ANKRD30BL: variants seen among roughly 807,000 people sequenced by gnomAD.
The protein encoded by ANKRD30BL is putative ankyrin repeat domain-containing protein 30B-like.
Under a neutral mutation model 18.4 loss-of-function variants are expected in ANKRD30BL, and 20 were observed. The ratio of observed to expected loss-of-function variants is 1.09; its 90% CI spans 0.77 to 1.58. ANKRD30BL has a LOEUF of 1.58. ANKRD30BL is among the 40% of genes most tolerant of loss of function. ANKRD30BL has a pLI of 0.00. For synonymous variants in ANKRD30BL, 72 were observed against 100.9 expected (o/e 0.71, Z 1.72); for missense variants, 224 against 268.6 (o/e 0.83, Z 1.16).
intron 1 of ANKRD30BL, among the ~76,000 whole-genome samples, chr2:132,218,170 C>T (rs536485021): frequency 5.2e-4 from 79 of 152,382 alleles, no homozygotes; most frequent in Admixed American, 3.4e-3. Flanking sequence ...GTGATGTGTG[C>T]ATTCAACTCA....
chr2:132,169,450 C>G lies in ANKRD30BL; in HGVS notation n.442-12304G>C, dbSNP rs528822014. The stretch of plus-strand genomic sequence containing the variant: ...CATCAGGAGGTCAAGAGATCGAGAC[C>G]ATCATGGCCACCATGGTGAAACCCC... On this transcript the variant is annotated intron_variant and non_coding_transcript_variant, in intron 1 of 4. Coordinates refer to the ANKRD30BL transcript ENST00000470729. Among the ~76,000 whole-genome samples, 655 of 152,238 alleles carry G rather than the reference C, an allele frequency of 4.3e-3. 3 individuals carry two copies. Among genetic ancestry groups the G allele is most frequent in the African/African-American group, 0.015 (621 of 41,526 alleles).
At chr2:132,231,736 C>T (rs2104783496) in intron 1 of ANKRD30BL, among the ~76,000 whole-genome samples, 1 of 152,272 alleles carries the variant, frequency 6.6e-6, no homozygotes, top group African/African-American at 2.4e-5. Flanking sequence ...TGAGATCAAA[C>T]TGCAAGGTGG....
At chr2:132,187,188 G>GTTTTTTTTTTTTTTTTTTTTTTTT (rs1193358076) in intron 1 of ANKRD30BL, among the ~76,000 whole-genome samples, 27 of 90,614 alleles carry the variant, frequency 3.0e-4, no homozygotes, top group East Asian at 6.8e-4. Flanking sequence ...TTTTTTGTTT[G>GTTTTTTTTTTTTTTTTTTTTTTTT]TTTTTTTTTT....
At chr2:132,164,031 C>T (rs1009266519), upstream of ANKRD30BL, among the ~76,000 whole-genome samples, 4 of 152,042 alleles carry the variant, frequency 2.6e-5, no homozygotes, top group Non-Finnish European at 4.4e-5. Context: ...ATGATCATTC[C>T]GGCCTTCTCC....
chr2:132,174,252 A>G (rs1216249148), intron 1 of ANKRD30BL, among the ~76,000 whole-genome samples: 2 of 152,218 alleles, frequency 1.3e-5, no homozygotes, highest in Admixed American at 1.3e-4. Flanking sequence ...AGACCCTGGA[A>G]CAAACTTAGA....
intron 1 of ANKRD30BL, among the ~76,000 whole-genome samples, chr2:132,215,096 T>C (rs1034073672): frequency 6.6e-6 from 1 of 151,848 alleles, no homozygotes; most frequent in African/African-American, 2.4e-5. Flanking sequence ...TTTGTTTTCA[T>C]TGAGCAGTTT....
rs1687659709 is a variant in ANKRD30BL, at chr2:132,148,208, GTGTTCCTTCAGA to G, written c.688_699del (p.Ser230_Thr233del). On this transcript the variant is annotated inframe_deletion, in exon 6 of 6. Transcript: ENST00000409867. ...TCCGCCAAGGGTGCAGCCTCATCAG[GTGTTCCTTCAGA>G]TGTTCCTTCTGCCAAACACAGAGTC... The G allele has an allele frequency of 6.2e-7, 1 of 1,605,578 alleles. No homozygotes were observed. The highest frequency in any genetic ancestry group is 8.5e-7 in the Non-Finnish European group (1 of 1,176,848).
chr2:132,183,804 C>T (rs1422528587), intron 1 of ANKRD30BL, among the ~76,000 whole-genome samples: 2 of 151,888 alleles, frequency 1.3e-5, no homozygotes, highest in Non-Finnish European at 2.9e-5. Context: ...CATGTTTATG[C>T]ATTTTGCTGC....
intron 1 of ANKRD30BL, among the ~76,000 whole-genome samples, chr2:132,214,071 A>G (rs1256335900): frequency 6.6e-6 from 1 of 152,148 alleles, no homozygotes; most frequent in African/African-American, 2.4e-5. Flanking sequence ...ATTTCTTTTG[A>G]TTGAGCAGCT....
chr2:132,186,197 A>G (rs1688556927), intron 1 of ANKRD30BL, among the ~76,000 whole-genome samples: 2 of 152,196 alleles, frequency 1.3e-5, no homozygotes, highest in African/African-American at 4.8e-5. Flanking sequence ...TTTCTATTAG[A>G]TATTTTTTAT....
intron 1 of ANKRD30BL, among the ~76,000 whole-genome samples, chr2:132,245,138 CT>C: frequency 6.6e-6 from 1 of 152,170 alleles, no homozygotes; most frequent in Non-Finnish European, 1.5e-5. Flanking sequence ...TCAGAAGCTG[CT>C]TTTTGATGTG....
intron 5 of ANKRD30BL, among the ~76,000 whole-genome samples, chr2:132,149,485 G>T (rs1282716106): frequency 6.6e-6 from 1 of 152,178 alleles, no homozygotes; most frequent in African/African-American, 2.4e-5. Context: ...TCTCAACAAA[G>T]AATTGCTTTT....
Position 132,218,342 on chromosome 2 carries a change from A to G in ANKRD30BL, n.441+39187T>C, listed in dbSNP as rs534997288. Among the ~76,000 whole-genome samples the G allele has an allele frequency of 1.1e-4, 16 of 152,332 alleles. No homozygotes were observed. The East Asian group carries it at 2.1e-3, about 20-fold the overall frequency. ...CCAGAAACTTCTTTTTGAGGTGTGC[A>G]TTCAACTCACAGAGTTGAACATACC... On this transcript the variant is annotated intron_variant and non_coding_transcript_variant, in intron 1 of 4. Transcript: ENST00000470729.
In ANKRD30BL at chr2:132,148,142, G is replaced by C; in HGVS notation, c.766C>G (p.Pro256Ala). Residue 256 changes from proline (P) to alanine (A), a missense_variant, in exon 6 of 6, where the codon CCT becomes GCT. Transcript: ENST00000409867. ...DTAESLVERT[P>A]DE ...GAATTCACTGTATCCTATTCATCAG[G>C]TGTTCTTTCCACCAAGCTTTCAGCC... 1 of 1,592,134 alleles carries C rather than the reference G, an allele frequency of 6.3e-7. No homozygotes were observed. The highest frequency in any genetic ancestry group is 8.6e-7 in the Non-Finnish European group (1 of 1,167,806).
intron 1 of ANKRD30BL, among the ~76,000 whole-genome samples, chr2:132,253,664 G>A (rs1445527868): frequency 3.9e-5 from 6 of 152,074 alleles, no homozygotes; most frequent in Admixed American, 2.0e-4. Context: ...CAGGGGAGGC[G>A]AGGGAGGGGC....
intron 1 of ANKRD30BL, among the ~76,000 whole-genome samples, chr2:132,231,116 T>G (rs1328883602): frequency 6.6e-6 from 1 of 151,882 alleles, no homozygotes; most frequent in Non-Finnish European, 1.5e-5. Context: ...AAGTGAACAT[T>G]TGGAGAGATT....
intron 1 of ANKRD30BL, among the ~76,000 whole-genome samples, chr2:132,221,896 C>T (rs1443084476): frequency 7.2e-5 from 9 of 125,276 alleles, no homozygotes; most frequent in Non-Finnish European, 1.1e-4. Context: ...CCCAGCCAGC[C>T]GCCCCGTCTG....
At chr2:132,172,011 G>A (rs545223145) in intron 1 of ANKRD30BL, among the ~76,000 whole-genome samples, 1,603 of 152,244 alleles carry the variant, frequency 0.011, 20 homozygotes, top group African/African-American at 0.036. Context: ...CAAAGTTTAC[G>A]TATGTTGTAG....
intron 5 of ANKRD30BL, 33 bp from the exon 6 acceptor site, chr2:132,148,261 T>A (rs758682109): frequency 6.4e-7 from 1 of 1,564,468 alleles, no homozygotes; most frequent in Non-Finnish European, 8.7e-7. Flanking sequence ...AAATTTTCCT[T>A]CGCTAAATAT....
Sources: gnomAD v4.1 joint callset for allele counts (sites outside exome capture counted in the v4.1 genomes callset) on GRCh38, gnomAD v4.1.1 for gene constraint, MANE v1.5 for transcripts, NCBI Gene and HGNC (gene_info 2026-07-23, HGNC 2026-07-21) for gene names.